The following CIMAP2 variants were observed in gnomAD, a reference collection of about 807,000 sequenced individuals.
CIMAP2 encodes the protein ciliary microtubule-associated protein 2.
chr1:54,821,330 A>G, the CIMAP2 span, among the ~76,000 whole-genome samples: 1 of 152,032 alleles, frequency 6.6e-6, no homozygotes, highest in African/African-American at 2.4e-5. Context: ...TTTTTCCCTT[A>G]TGTTTTATTC....
chr1:54,824,380 T>G, the CIMAP2 span, among the ~76,000 whole-genome samples: 1 of 126,448 alleles, frequency 7.9e-6, no homozygotes, highest in South Asian at 2.3e-4. Context: ...AAGGCCCTTT[T>G]AATTGTATCT....
At chr1:54,807,668 T>TACCAGTAC in the CIMAP2 span, 8 of 1,602,122 alleles carry the variant, frequency 5.0e-6, no homozygotes, top group South Asian at 7.8e-5. Context: ...TACCAGGCCA[T>TACCAGTAC]CATGAAAGAG....
the CIMAP2 span, among the ~76,000 whole-genome samples, chr1:54,830,096 C>A: frequency 1.3e-5 from 2 of 152,246 alleles, no homozygotes; most frequent in South Asian, 4.1e-4. The surrounding 1 kb of genome is among the most constrained non-coding windows in gnomAD (Gnocchi z 4.1). Context: ...TTAGAACTTT[C>A]CTCTCTGGGG....
chr1:54,832,926 CT>C, the CIMAP2 span, among the ~76,000 whole-genome samples: 1 of 151,920 alleles, frequency 6.6e-6, no homozygotes, highest in Non-Finnish European at 1.5e-5. Context: ...ACTTGGGAGG[CT>C]GAGGTAGGAG....
the CIMAP2 span, among the ~76,000 whole-genome samples, chr1:54,840,438 A>G: frequency 6.6e-6 from 1 of 152,248 alleles, no homozygotes; most frequent in African/African-American, 2.4e-5. Context: ...TAAAGCTGCT[A>G]TAAACAGTTA....
chr1:54,817,460 C>G, the CIMAP2 span, among the ~76,000 whole-genome samples: 2 of 152,174 alleles, frequency 1.3e-5, no homozygotes, highest in African/African-American at 4.8e-5. Flanking sequence ...CCACCCAGAG[C>G]CCATACGGTC....
the CIMAP2 span, among the ~76,000 whole-genome samples, chr1:54,818,372 TTTC>T: frequency 6.6e-6 from 1 of 152,106 alleles, no homozygotes; most frequent in East Asian, 1.9e-4. Context: ...GCACTCTAGT[TTTC>T]TTTTTTTTTC....
chr1:54,820,723 T>C, the CIMAP2 span, among the ~76,000 whole-genome samples: 1 of 152,246 alleles, frequency 6.6e-6, no homozygotes, highest in Admixed American at 6.5e-5. Context: ...GTTGAGCATC[T>C]GTATGCTTTC....
the CIMAP2 span, among the ~76,000 whole-genome samples, chr1:54,816,016 C>T: frequency 1.3e-5 from 2 of 152,330 alleles, no homozygotes; most frequent in East Asian, 1.9e-4. Context: ...TTTTTTACCT[C>T]TAGCCTGCAC....
the CIMAP2 span, among the ~76,000 whole-genome samples, chr1:54,813,146 T>C: frequency 5.3e-5 from 8 of 152,246 alleles, no homozygotes; most frequent in East Asian, 1.5e-3. Context: ...TGAGACTTTT[T>C]TTTTTTTTAG....
chr1:54,813,641 C>T, the CIMAP2 span, among the ~76,000 whole-genome samples: 2 of 147,290 alleles, frequency 1.4e-5, no homozygotes, highest in Non-Finnish European at 3.0e-5. Context: ...TCTGTTTCCA[C>T]CAGCCCTTGT....
chr1:54,830,254 C>T, the CIMAP2 span, among the ~76,000 whole-genome samples: 1 of 152,068 alleles, frequency 6.6e-6, no homozygotes, highest in South Asian at 2.1e-4. This position sits in a 1 kb window ranked among gnomAD's most constrained non-coding sequence, Gnocchi z 4.1. Context: ...CAGAGTTTTG[C>T]TTTTGTTGCC....
chr1:54,839,550 G>A, the CIMAP2 span, among the ~76,000 whole-genome samples: 1 of 151,398 alleles, frequency 6.6e-6, no homozygotes, highest in South Asian at 2.1e-4. Context: ...ACTAATTTTT[G>A]TATTTGTAGT....
chr1:54,806,919 C>A, the CIMAP2 span: 15 of 1,371,174 alleles, frequency 1.1e-5, no homozygotes, highest in Admixed American at 2.2e-4. Context: ...CAGCCAACTC[C>A]CCCATGCTCC....
At chr1:54,814,776 G>T in the CIMAP2 span, 1 of 1,239,010 alleles carries the variant, frequency 8.1e-7, no homozygotes, top group Non-Finnish European at 1.1e-6. Context: ...AGATAGCTGG[G>T]TACCTCCACC....
the CIMAP2 span, among the ~76,000 whole-genome samples, chr1:54,839,236 G>T: frequency 5.3e-5 from 8 of 152,124 alleles, no homozygotes; most frequent in Admixed American, 5.2e-4. Flanking sequence ...GATGTGTGGG[G>T]TGTGTAGAGG....
At chr1:54,811,765 G>A in the CIMAP2 span, 2 of 1,301,290 alleles carry the variant, frequency 1.5e-6, no homozygotes, top group East Asian at 5.0e-5. Context: ...GGTTCTGACA[G>A]CCTCCATGCC....
the CIMAP2 span, among the ~76,000 whole-genome samples, chr1:54,814,413 A>C: frequency 6.6e-6 from 1 of 152,326 alleles, no homozygotes; most frequent in African/African-American, 2.4e-5. Context: ...CTAGTGTCAA[A>C]GCAGGCCCTC....
chr1:54,820,633 G>A, the CIMAP2 span, among the ~76,000 whole-genome samples: 6 of 152,154 alleles, frequency 3.9e-5, no homozygotes, highest in African/African-American at 1.2e-4. Flanking sequence ...CTTAACTGGG[G>A]TGAGATGATA....
Sources: allele counts gnomAD v4.1 joint callset (sites outside exome capture counted in the v4.1 genomes callset), GRCh38; gene constraint gnomAD v4.1.1; non-coding constraint Gnocchi (gnomAD v3.1); transcripts MANE v1.5; gene names NCBI Gene and HGNC (gene_info 2026-07-23, HGNC 2026-07-21).